Variants in TACC2 observed in about 807,000 individuals in gnomAD.
TACC2 encodes the protein transforming acidic coiled-coil containing protein 2.
A neutral mutation model predicts 227.3 loss-of-function variants in TACC2; 137 were observed. That is an observed-to-expected ratio of 0.60 (90% CI 0.52 to 0.69). TACC2 has a LOEUF of 0.69. Among genes scored for constraint, TACC2 ranks in the 30% least tolerant of loss-of-function variants. The probability of loss-of-function intolerance (pLI) is 0.00; values close to 1 mark genes in which losing one functional copy is unlikely to be tolerated. For synonymous variants in TACC2, 1,523 were observed against 1,487.5 expected (o/e 1.02, Z -0.55); for missense variants, 3,470 against 3,694.4 (o/e 0.94, Z 1.57).
At chr10:122,157,516 ATT>A (rs55961900) in intron 7 of TACC2, among the ~76,000 whole-genome samples, 28 of 145,180 alleles carry the variant, frequency 1.9e-4, no homozygotes, top group Admixed American at 1.3e-3. Context: ...CATCCATGGG[ATT>A]TTTTTTTTTT....
Position 122,216,634 on chromosome 10 carries a change from C to A in TACC2, c.7352C>A (p.Thr2451Asn). The A allele has an allele frequency of 6.2e-7, 1 of 1,613,682 alleles. No individual in the cohort carries two copies. The highest frequency in any genetic ancestry group is 8.5e-7 in the Non-Finnish European group (1 of 1,179,854). Reference protein sequence around the residue: ...PLSDPPSQDPTPAATPETPPV... With the variant: ...PLSDPPSQDPNPAATPETPPV... ...TTTCTCTTCTCTTTGCAGGACCCCA[C>A]CCCAGCTGCTACACCAGAAACACCA... Residue 2451 changes from threonine to asparagine, a missense_variant, in exon 11 of 23, where the codon ACC becomes AAC. By Grantham distance (65) the Thr-to-Asn change is moderately conservative. Transcript: ENST00000369005.
Position 122,224,717 on chromosome 10 carries a change from T to G in TACC2, c.7547-9T>G. ...TTTTTTGTGTTTGTGTTTGTTTTTG[T>G]TTTTGCAGAGTTGGATTACAGAAAC... On this transcript the variant is annotated splice_polypyrimidine_tract_variant and intron_variant, in intron 11 of 22. Coordinates refer to ENST00000369005, the MANE Select transcript of TACC2 (RefSeq NM_206862.4). 6.2e-7 allele frequency: 1 copy of G among 1,613,888 alleles called. No individual in the cohort carries two copies. Among genetic ancestry groups the G allele is most frequent in the South Asian group, 1.1e-5 (1 of 91,070 alleles).
At chr10:122,199,055 C>A (rs1482368358) in intron 8 of TACC2, among the ~76,000 whole-genome samples, 1 of 152,248 alleles carries the variant, frequency 6.6e-6, no homozygotes, top group East Asian at 1.9e-4. Context: ...CTTCTTTACT[C>A]ATTCTTGCTA....
At chr10:122,047,061 C>G (rs549904818) in intron 2 of TACC2, among the ~76,000 whole-genome samples, 48 of 151,520 alleles carry the variant, frequency 3.2e-4, no homozygotes, top group Middle Eastern at 3.4e-3. Flanking sequence ...GAGGCTGAGG[C>G]GGGCAGATCA....
Position 122,222,898 on chromosome 10 carries a change from C to G in TACC2, c.7547-1828C>G, listed in dbSNP as rs934814014. ...GATACCTTAGAAGAGGCAGCTGATT[C>G]ACTATTATTTTCTCAACTTAAACAG... is the stretch of plus-strand genomic sequence containing the variant. On this transcript the variant is annotated intron_variant, in intron 11 of 22. Transcript: ENST00000369005. 2.6e-5 allele frequency among the ~76,000 whole-genome samples: 4 copies of G among 152,264 alleles called. No individual in the cohort carries two copies. The East Asian group carries it at 7.7e-4, about 29-fold the overall frequency.
At chr10:122,130,621 T>A (rs2087875402) in intron 5 of TACC2, among the ~76,000 whole-genome samples, 1 of 152,084 alleles carries the variant, frequency 6.6e-6, no homozygotes, top group South Asian at 2.1e-4. Flanking sequence ...CAAAGCCAAG[T>A]GTGGAGATTA....
Position 122,164,412 on chromosome 10 carries a change from T to TG in TACC2, c.5834+20709dup, listed in dbSNP as rs1402385779. 3.3e-5 allele frequency among the ~76,000 whole-genome samples: 5 copies of TG among 152,358 alleles called. No homozygotes were observed. The East Asian group carries it at 9.7e-4, about 29-fold the overall frequency. On this transcript the variant is annotated intron_variant, in intron 7 of 22. Transcript: ENST00000369005. ...GTTTCCGGGCAGCTGCGCTTGTGGC[T>TG]GGGCAGATGGCGTGGTGCGCTCTGG...
intron 2 of TACC2, among the ~76,000 whole-genome samples, chr10:122,042,007 G>A (rs575167536): frequency 6.6e-5 from 10 of 151,408 alleles, no homozygotes; most frequent in South Asian, 2.1e-4. Flanking sequence ...GTGCAGTGGC[G>A]CGATCTCGGC....
intron 5 of TACC2, among the ~76,000 whole-genome samples, chr10:122,110,137 C>T (rs10887074): frequency 0.32 from 48,481 of 152,022 alleles, 8,965 homozygotes; most frequent in South Asian, 0.43. Context: ...ATATAGACCA[C>T]CCTGATGCAG....
At chr10:122,161,519 A>G (rs1455194898) in intron 7 of TACC2, among the ~76,000 whole-genome samples, 1 of 152,232 alleles carries the variant, frequency 6.6e-6, no homozygotes, top group Non-Finnish European at 1.5e-5. Context: ...CTGAGGAAAT[A>G]AGGTTCAGTA....
In TACC2 at chr10:122,083,172, G is replaced by T. The variant is rs1474401079; in HGVS notation, c.672G>T (p.Glu224Asp). Residue 224 changes from glutamate to aspartate, a missense_variant, in exon 4 of 23, where the codon GAG becomes GAT. By Grantham distance (45) the Glu-to-Asp change is conservative. Around this residue, in one of 10 missense-constraint regions of TACC2, gnomAD observed 405 missense variants for 389.6 expected, o/e 1.04. Coordinates refer to ENST00000369005, the MANE Select transcript of TACC2 (RefSeq NM_206862.4). ...AGGGGGACCAGCCTGGTGGTTTTGA[G>T]TCCCAAGAGAAAGAGGCTGCAGGTG... Reference protein sequence around the residue: ...CGEGDQPGGFESQEKEAAGGF... With the variant: ...CGEGDQPGGFDSQEKEAAGGF... 7 of 1,613,202 alleles carry T rather than the reference G, an allele frequency of 4.3e-6. No individual in the cohort carries two copies. Among genetic ancestry groups the T allele is most frequent in the Non-Finnish European group, 5.9e-6 (7 of 1,180,020 alleles).
intron 5 of TACC2, among the ~76,000 whole-genome samples, chr10:122,121,178 G>T (rs1275058838): frequency 1.3e-5 from 2 of 152,190 alleles, no homozygotes; most frequent in African/African-American, 4.8e-5. Flanking sequence ...GGGAGGGAGG[G>T]TCATGTGTAC....
intron 7 of TACC2, among the ~76,000 whole-genome samples, chr10:122,184,677 G>A (rs1043788904): frequency 4.6e-5 from 7 of 152,322 alleles, no homozygotes; most frequent in African/African-American, 7.2e-5. Flanking sequence ...GCTTTTATGT[G>A]TGTGTGTCTG....
rs201589274 is a variant in TACC2 at position 122,248,731 on chromosome 10, C to T, written c.8481C>T (p.Ser2827=). 5.8e-5 allele frequency: 93 copies of T among 1,613,974 alleles called. No homozygotes were observed. In the Middle Eastern group the frequency reaches 6.6e-4, roughly 11 times the overall value. The change falls in exon 20 of 23, where the codon TCC becomes TCT. Residue 2827 remains serine, a synonymous_variant. Coordinates refer to ENST00000369005, the MANE Select transcript of TACC2 (RefSeq NM_206862.4). The stretch of plus-strand genomic sequence containing the variant: ...AGCAAGCCCTGGCCGACCTGAACTC[C>T]GTGGAGAAGTCTCTGGCCGACCTCT... ...EKEQALADLN[S]VEKSLADLFR...
At chr10:122,149,227 C>T (rs138240967) in intron 7 of TACC2, among the ~76,000 whole-genome samples, 1 of 152,260 alleles carries the variant, frequency 6.6e-6, no homozygotes, top group East Asian at 1.9e-4. Context: ...AGCATCATCT[C>T]TGTTCAGAGT....
At chr10:122,159,818 G>A (rs927600085) in intron 7 of TACC2, among the ~76,000 whole-genome samples, 1 of 152,092 alleles carries the variant, frequency 6.6e-6, no homozygotes. Flanking sequence ...GTATGTGCTC[G>A]GGCTAATTAG....
At chr10:122,227,748 G>T (rs981941940) in intron 13 of TACC2, 89 bp from the exon 14 acceptor site, 1 of 1,400,712 alleles carries the variant, frequency 7.1e-7, no homozygotes, top group Non-Finnish European at 9.8e-7. Flanking sequence ...AGGATTCCTT[G>T]TGATATTGAC....
intron 5 of TACC2, among the ~76,000 whole-genome samples, chr10:122,121,191 T>A (rs1331140111): frequency 6.6e-6 from 1 of 152,214 alleles, no homozygotes; most frequent in Non-Finnish European, 1.5e-5. Context: ...ATGTGTACTT[T>A]GAAACAGTAC....
chr10:122,092,848 C>T (rs1425333486), intron 5 of TACC2, among the ~76,000 whole-genome samples: 1 of 152,198 alleles, frequency 6.6e-6, no homozygotes, highest in Non-Finnish European at 1.5e-5. Flanking sequence ...ATGATCCTCC[C>T]TGTGGAAGAG....
Sources: gnomAD v4.1 joint callset for allele counts (sites outside exome capture counted in the v4.1 genomes callset) on GRCh38, gnomAD v4.1.1 for gene constraint, gnomAD v4.1.1 regional missense constraint, MANE v1.5 for transcripts, NCBI Gene and HGNC (gene_info 2026-07-23, HGNC 2026-07-21) for gene names.